The following ASTN2 variants were observed in gnomAD, a reference collection of about 807,000 sequenced individuals.
ASTN2 encodes the protein astrotactin 2, also known as astrotactin-2.
A neutral mutation model predicts 139.8 loss-of-function variants in ASTN2; 54 were observed. The ratio of observed to expected loss-of-function variants is 0.39; its 90% confidence interval spans 0.31 to 0.48. The LOEUF is 0.48. ASTN2 is among the 20% of genes least tolerant of loss of function. ASTN2 has a pLI of 0.95. For synonymous variants in ASTN2, 756 were observed against 719.5 expected (o/e 1.05, Z -0.81); for missense variants, 1,565 against 1,725.1 (o/e 0.91, Z 1.64).
chr9:116,535,311 G>A (rs575527666), intron 19 of ASTN2, among the ~76,000 whole-genome samples: 10 of 152,164 alleles, frequency 6.6e-5, no homozygotes, highest in Admixed American at 1.3e-4. Flanking sequence ...TTGACTCTTT[G>A]TCCAATTTGC....
chr9:117,021,958 A>C (rs768003466), intron 6 of ASTN2, among the ~76,000 whole-genome samples: 1 of 152,190 alleles, frequency 6.6e-6, no homozygotes, highest in Non-Finnish European at 1.5e-5. Context: ...CCTTGTTCAA[A>C]TACAGTTTCG....
chr9:116,478,991 CAAAAAA>C lies in ASTN2; in HGVS notation c.3497+8362_3497+8367del, dbSNP rs34860380. ...TGGGCGACAGAAGGAGACTGTGCCT[CAAAAAA>C]AAAAAAAAAAAAAAAAAAAAAGGGA... On this transcript the variant is annotated intron_variant, in intron 20 of 22. Coordinates refer to ENST00000313400, the MANE Select transcript of ASTN2 (RefSeq NM_001365068.1). Among the ~76,000 whole-genome samples the C allele has an allele frequency of 4.9e-4, 30 of 61,014 alleles. No homozygotes were observed. The East Asian group carries it at 8.5e-3, about 17-fold the overall frequency. The allele number at this position is 61,014 out of a possible 152,430, so 40.0% of individuals were successfully genotyped here. A position where few individuals can be genotyped will look rare whatever the true frequency, so the allele number is the denominator to read the frequency against.
At chr9:116,565,185 C>T (rs1853119023) in intron 19 of ASTN2, among the ~76,000 whole-genome samples, 1 of 147,314 alleles carries the variant, frequency 6.8e-6, no homozygotes, top group African/African-American at 2.5e-5. Flanking sequence ...GAAATGCAAG[C>T]TTTATGAAAA....
intron 12 of ASTN2, among the ~76,000 whole-genome samples, chr9:116,806,615 A>T (rs1371508484): frequency 6.6e-6 from 1 of 152,112 alleles, no homozygotes; most frequent in Non-Finnish European, 1.5e-5. Context: ...CAGACAAGAG[A>T]ATGGTCTGTG....
In ASTN2 at chr9:117,144,660, G is replaced by GTT. The variant is rs71379267; in HGVS notation, c.1016-3184_1016-3183dup. 9.7e-4 allele frequency among the ~76,000 whole-genome samples: 76 copies of GTT among 78,346 alleles called. 4 individuals carry two copies. The highest frequency in any genetic ancestry group is 1.9e-3 in the African/African-American group (31 of 16,566). 51.4% of individuals were successfully genotyped at this position (78,346 alleles called of 152,430 possible). A position where few individuals can be genotyped will look rare whatever the true frequency, so the allele number is the denominator to read the frequency against. On this transcript the variant is annotated intron_variant, in intron 3 of 22. Transcript: ENST00000313400. ...TGACATTTGAGAGGAGTGAACACTA[G>GTT]TTTTTTTTTTTTTTTTTTTTTTTTT...
At chr9:116,833,448 T>C (rs990625832) in intron 11 of ASTN2, among the ~76,000 whole-genome samples, 3 of 147,482 alleles carry the variant, frequency 2.0e-5, no homozygotes, top group African/African-American at 5.1e-5. Context: ...TTTTTTTTTT[T>C]CTAGGTTCTT....
chr9:117,311,253 T>A (rs1554718610), intron 1 of ASTN2, among the ~76,000 whole-genome samples: 1 of 151,348 alleles, frequency 6.6e-6, no homozygotes, highest in Non-Finnish European at 1.5e-5. Context: ...AAAAGCTACT[T>A]TACGAGAAGA....
chr9:116,785,326 T>C (rs1196104677), intron 13 of ASTN2, among the ~76,000 whole-genome samples: 1 of 152,158 alleles, frequency 6.6e-6, no homozygotes, highest in Non-Finnish European at 1.5e-5. Flanking sequence ...TTCTTTTCTG[T>C]CATCTACATG....
intron 5 of ASTN2, among the ~76,000 whole-genome samples, chr9:117,051,292 G>A (rs575338514): frequency 1.8e-4 from 28 of 152,184 alleles, no homozygotes; most frequent in Admixed American, 9.8e-4. Flanking sequence ...GATACATTGT[G>A]CTAAATATTT....
At chr9:116,782,595 G>A (rs1830247680) in intron 13 of ASTN2, among the ~76,000 whole-genome samples, 1 of 152,176 alleles carries the variant, frequency 6.6e-6, no homozygotes, top group South Asian at 2.1e-4. Flanking sequence ...GGGACGTACT[G>A]AATGAATGAA....
At chr9:117,040,535 T>C (rs1053144912) in intron 5 of ASTN2, among the ~76,000 whole-genome samples, 2 of 152,218 alleles carry the variant, frequency 1.3e-5, no homozygotes, top group Non-Finnish European at 2.9e-5. Context: ...CTCGGCTCAC[T>C]GTAACCTCCG....
intron 17 of ASTN2, among the ~76,000 whole-genome samples, chr9:116,648,026 G>A (rs28540632): frequency 0.024 from 3,482 of 146,886 alleles, 137 homozygotes; most frequent in African/African-American, 0.083. Flanking sequence ...TTTTGAGACA[G>A]AGTCTTGCTC....
intron 19 of ASTN2, among the ~76,000 whole-genome samples, chr9:116,518,653 T>C (rs1850747727): frequency 6.6e-6 from 1 of 151,992 alleles, no homozygotes; most frequent in African/African-American, 2.4e-5. Flanking sequence ...ATAAATAGAA[T>C]AGTACATAAC....
intron 13 of ASTN2, among the ~76,000 whole-genome samples, chr9:116,754,451 T>C (rs936378918): frequency 1.3e-5 from 2 of 152,368 alleles, no homozygotes; most frequent in East Asian, 1.9e-4. Flanking sequence ...TTCTTATTTC[T>C]CCACATCCTC....
At chr9:116,560,348 A>G (rs142748626) in intron 19 of ASTN2, among the ~76,000 whole-genome samples, 54 of 152,316 alleles carry the variant, frequency 3.5e-4, no homozygotes, top group African/African-American at 1.2e-3. Flanking sequence ...AGTGATTAAT[A>G]AAATAGTCTT....
chr9:116,500,454 C>T (rs114792360), intron 19 of ASTN2, among the ~76,000 whole-genome samples: 1,858 of 152,290 alleles, frequency 0.012, 33 homozygotes, highest in African/African-American at 0.043. Flanking sequence ...TCTTCTCATC[C>T]AGGCTGTGAG....
intron 10 of ASTN2, among the ~76,000 whole-genome samples, chr9:116,881,082 A>G (rs1461520025): frequency 1.3e-5 from 2 of 152,148 alleles, no homozygotes; most frequent in Non-Finnish European, 2.9e-5. Flanking sequence ...AAATAGAAAG[A>G]CAGGATGGCT....
intron 20 of ASTN2, among the ~76,000 whole-genome samples, chr9:116,482,039 C>G (rs1234322534): frequency 6.6e-6 from 1 of 152,154 alleles, no homozygotes; most frequent in African/African-American, 2.4e-5. Context: ...AAAAATAACA[C>G]TACCCGGCCG....
At chr9:116,548,121 G>A (rs1383680982) in intron 19 of ASTN2, among the ~76,000 whole-genome samples, 4 of 152,192 alleles carry the variant, frequency 2.6e-5, no homozygotes, top group Non-Finnish European at 5.9e-5. Flanking sequence ...TTCTAAGCCG[G>A]AGCCAGGAGC....
Sources: gnomAD v4.1 joint callset for allele counts (sites outside exome capture counted in the v4.1 genomes callset) on GRCh38, gnomAD v4.1.1 for gene constraint, MANE v1.5 for transcripts, NCBI Gene and HGNC (gene_info 2026-07-23, HGNC 2026-07-21) for gene names.